Variants in PRDM2 observed in about 807,000 individuals in gnomAD.
PRDM2 encodes PR/SET domain 2.
Under a neutral mutation model 130.0 loss-of-function variants are expected in PRDM2, and 30 were observed. The observed-to-expected ratio is 0.23, with a 90% CI of 0.17 to 0.31. The LOEUF (loss-of-function observed/expected upper bound fraction) is 0.31. Ranked by LOEUF, PRDM2 falls within the 10% of genes least tolerant of loss-of-function variation. The probability of loss-of-function intolerance (pLI) is 1.00; values close to 1 mark genes in which losing one functional copy is unlikely to be tolerated. For missense variants in PRDM2, 2,011 were observed against 2,108.4 expected, an observed-to-expected ratio of 0.95 and a Z score of 0.90; for synonymous variants, 871 against 782.4, an observed-to-expected ratio of 1.11 and a Z score of -1.89.
intron 8 of PRDM2, among the ~76,000 whole-genome samples, chr1:13,799,166 G>A (rs991208799): frequency 2.0e-4 from 31 of 152,274 alleles, no homozygotes; most frequent in African/African-American, 6.3e-4. Flanking sequence ...TTGTGAGGCC[G>A]GGCGCGGTGG....
At chr1:13,763,058 C>G (rs1644140230) in intron 6 of PRDM2, among the ~76,000 whole-genome samples, 1 of 152,162 alleles carries the variant, frequency 6.6e-6, no homozygotes, top group South Asian at 2.1e-4. Flanking sequence ...TAAACCTCTG[C>G]TAAAATGTGG....
chr1:13,810,558 G>A (rs1300741199), intron 8 of PRDM2, among the ~76,000 whole-genome samples: 4 of 151,260 alleles, frequency 2.6e-5, no homozygotes, highest in South Asian at 2.1e-4. Context: ...GCAGTGGCAC[G>A]ATCTCGGCTC....
intron 7 of PRDM2, among the ~76,000 whole-genome samples, chr1:13,774,198 C>T (rs1461888907): frequency 6.6e-6 from 1 of 150,816 alleles, no homozygotes; most frequent in African/African-American, 2.5e-5. Context: ...TTGCCCTCTG[C>T]TCATTGCAGT....
chr1:13,750,832 A>G (rs1643808297), intron 6 of PRDM2, among the ~76,000 whole-genome samples: 1 of 150,958 alleles, frequency 6.6e-6, no homozygotes, highest in Non-Finnish European at 1.5e-5. Context: ...TATTAGGCTT[A>G]GTGCTTAACT....
chr1:13,701,418 G>C (rs904363641), intron 1 of PRDM2, among the ~76,000 whole-genome samples: 1 of 151,958 alleles, frequency 6.6e-6, no homozygotes, highest in Non-Finnish European at 1.5e-5. Context: ...ACTTCGCCTC[G>C]GTTTGATCAG....
chr1:13,714,775 G>A (rs1642482328), intron 1 of PRDM2, among the ~76,000 whole-genome samples: 1 of 152,136 alleles, frequency 6.6e-6, no homozygotes, highest in African/African-American at 2.4e-5. Flanking sequence ...ATGTAAACGT[G>A]GGAAATGTTT....
At chr1:13,757,918 T>C (rs895865858) in intron 6 of PRDM2, among the ~76,000 whole-genome samples, 4 of 151,974 alleles carry the variant, frequency 2.6e-5, no homozygotes, top group African/African-American at 9.7e-5. Flanking sequence ...AGGAGAAGCA[T>C]TAAAGAAGAC....
intron 8 of PRDM2, among the ~76,000 whole-genome samples, chr1:13,801,882 G>A (rs1645012616): frequency 6.6e-6 from 1 of 152,188 alleles, no homozygotes; most frequent in Non-Finnish European, 1.5e-5. Flanking sequence ...TGGCTGGGCT[G>A]GGTGTCTGTT....
intron 4 of PRDM2, among the ~76,000 whole-genome samples, chr1:13,740,526 G>T (rs1643407151): frequency 6.6e-6 from 1 of 152,212 alleles, no homozygotes; most frequent in South Asian, 2.1e-4. Flanking sequence ...TACGCAGTAG[G>T]TGCTCATTAG....
intron 5 of PRDM2, among the ~76,000 whole-genome samples, chr1:13,746,834 G>A (rs890819945): frequency 6.6e-6 from 1 of 152,230 alleles, no homozygotes; most frequent in African/African-American, 2.4e-5. Flanking sequence ...TGGGATTGCA[G>A]CCATGAGCCA....
intron 4 of PRDM2, among the ~76,000 whole-genome samples, chr1:13,738,239 T>TA (rs1290201849): frequency 6.6e-6 from 1 of 152,202 alleles, no homozygotes; most frequent in Non-Finnish European, 1.5e-5. Flanking sequence ...CAGAGACTCT[T>TA]ACACTTTTTT....
At position 13,816,474 on chromosome 1, in the gene PRDM2, A is replaced by G; in HGVS notation, c.5084A>G (p.Tyr1695Cys). 6.2e-7 allele frequency: 1 copy of G among 1,614,144 alleles called. No homozygotes were observed. Among genetic ancestry groups the G allele is most frequent in the South Asian group, 1.1e-5 (1 of 91,088 alleles). ...CGATGCTCTCCACCAGCGGCCCCGT[A>G]CATCACCAGGCAGTATAGGAAGGTC... ...ASRCSPPAAPYITRQYRKVKA... is the reference protein window; with the variant it reads ...ASRCSPPAAPCITRQYRKVKA... Residue 1695 changes from tyrosine (Y) to cysteine (C), a missense_variant, in exon 9 of 10, where the codon TAC (tyrosine) becomes TGC (cysteine). By Grantham distance (194) the Tyr-to-Cys change is radical. This residue lies in a region of PRDM2 where 410 missense variants were observed against 395.9 expected (regional missense o/e 1.04). Coordinates refer to ENST00000311066, the MANE Select transcript of PRDM2 (RefSeq NM_001393986.1).
Position 13,712,776 on chromosome 1 carries a change from A to G in PRDM2, c.-65-2765A>G, listed in dbSNP as rs1569687050. On this transcript the variant is annotated intron_variant, in intron 1 of 9. Transcript: ENST00000311066. ...CTCCGTCTCAAAAAACAAACAAAAA[A>G]AAGAAATAAAATCTATCCATCCATC... Among the ~76,000 whole-genome samples the G allele has an allele frequency of 2.0e-5, 3 of 151,880 alleles. No individual in the cohort carries two copies. The South Asian group carries it at 6.2e-4, about 31-fold the overall frequency.
intron 2 of PRDM2, chr1:13,722,808 A>G (rs749281032): frequency 2.1e-5 from 11 of 515,570 alleles, no homozygotes; most frequent in Non-Finnish European, 3.5e-5. Context: ...CAGCAGACCA[A>G]TGACTAGATT....
At chr1:13,792,368 G>A (rs566798366) in intron 8 of PRDM2, among the ~76,000 whole-genome samples, 1 of 152,324 alleles carries the variant, frequency 6.6e-6, no homozygotes, top group East Asian at 1.9e-4. Flanking sequence ...AACAATTTCA[G>A]TGTACAGCAG....
intron 8 of PRDM2, among the ~76,000 whole-genome samples, chr1:13,794,843 C>T (rs115516094): frequency 0.016 from 2,390 of 152,352 alleles, 57 homozygotes; most frequent in South Asian, 0.11. Flanking sequence ...TTATCTCCTG[C>T]CTCTGCCCAG....
intron 4 of PRDM2, among the ~76,000 whole-genome samples, chr1:13,740,914 C>A (rs565188623): frequency 5.7e-4 from 87 of 152,076 alleles, no homozygotes; most frequent in African/African-American, 2.1e-3. Flanking sequence ...AGGAAAGTTG[C>A]AGTAAAGAAA....
rs973186355 is a variant in PRDM2 at position 13,771,526 on chromosome 1, T to C, written c.512-1552T>C. ...GCAGGCGGATCATGAGGTCAGGAGA[T>C]CGAGACCATCCTGGCTAAGATGGTG... On this transcript the variant is annotated intron_variant, in intron 6 of 9. Coordinates refer to ENST00000311066, the MANE Select transcript of PRDM2 (RefSeq NM_001393986.1). This position sits in a 1 kb window ranked among gnomAD's most constrained non-coding sequence, Gnocchi z 4.1. Among the ~76,000 whole-genome samples the C allele has an allele frequency of 6.6e-6, 1 of 152,044 alleles. No individual in the cohort carries two copies. Among genetic ancestry groups the C allele is most frequent in the Non-Finnish European group, 1.5e-5 (1 of 68,018 alleles).
At chr1:13,802,431 C>G (rs900035744) in intron 8 of PRDM2, among the ~76,000 whole-genome samples, 1 of 152,148 alleles carries the variant, frequency 6.6e-6, no homozygotes, top group Non-Finnish European at 1.5e-5. Flanking sequence ...TTGTTAGCAT[C>G]CCTGGACCGG....
Sources: gnomAD v4.1 joint callset for allele counts (sites outside exome capture counted in the v4.1 genomes callset) on GRCh38, gnomAD v4.1.1 for gene constraint, gnomAD v4.1.1 regional missense constraint, Gnocchi (gnomAD v3.1) non-coding constraint, MANE v1.5 for transcripts, NCBI Gene and HGNC (gene_info 2026-07-23, HGNC 2026-07-21) for gene names.